The following CTNNA3 variants were observed in gnomAD, a reference collection of about 807,000 sequenced individuals.
CTNNA3 encodes catenin alpha-3.
In CTNNA3, 76 loss-of-function variants were observed where a neutral mutation model predicts 95.7. The ratio of observed to expected loss-of-function variants is 0.79; its 90% CI spans 0.66 to 0.96. CTNNA3 has a LOEUF of 0.96. CTNNA3 is among the 40% of genes least tolerant of loss of function. The pLI, the probability that CTNNA3 is intolerant of heterozygous loss-of-function variation, is 0.00. For missense variants in CTNNA3, 1,191 were observed against 1,089.8 expected (o/e 1.09, Z -1.31); for synonymous variants, 431 against 374.4 (o/e 1.15, Z -1.74).
chr10:67,610,876 A>C (rs1359280334), intron 2 of CTNNA3, among the ~76,000 whole-genome samples: 1 of 152,084 alleles, frequency 6.6e-6, no homozygotes, highest in Non-Finnish European at 1.5e-5. Context: ...TCTTTCTCAG[A>C]CTTCAGGGGT....
At chr10:66,825,497 C>T (rs1443686746) in intron 7 of CTNNA3, among the ~76,000 whole-genome samples, 2 of 151,672 alleles carry the variant, frequency 1.3e-5, no homozygotes, top group Non-Finnish European at 2.9e-5. Flanking sequence ...AGGCTGGTCT[C>T]GAACTCCTGA....
intron 6 of CTNNA3, among the ~76,000 whole-genome samples, chr10:67,205,802 GA>G (rs1396807973): frequency 6.6e-6 from 1 of 152,064 alleles, no homozygotes; most frequent in Non-Finnish European, 1.5e-5. Flanking sequence ...TTTTCCTAGG[GA>G]AAAAAGGGAG....
intron 9 of CTNNA3, among the ~76,000 whole-genome samples, chr10:66,687,087 T>G (rs1847324831): frequency 6.6e-6 from 1 of 152,090 alleles, no homozygotes; most frequent in African/African-American, 2.4e-5. Flanking sequence ...TTTGGTACAA[T>G]GTAATGAATA....
intron 7 of CTNNA3, among the ~76,000 whole-genome samples, chr10:67,021,584 G>A (rs1244241865): frequency 1.3e-5 from 2 of 151,866 alleles, no homozygotes; most frequent in African/African-American, 4.8e-5. Context: ...AATCATGAAA[G>A]TTATGTAGTG....
intron 7 of CTNNA3, among the ~76,000 whole-genome samples, chr10:67,169,991 T>C (rs1018905183): frequency 2.6e-5 from 4 of 152,176 alleles, no homozygotes; most frequent in Admixed American, 2.0e-4. Flanking sequence ...AAAGAAGACA[T>C]AGATGTGGCC....
chr10:66,175,717 C>G (rs1489582498), intron 13 of CTNNA3, among the ~76,000 whole-genome samples: 1 of 152,112 alleles, frequency 6.6e-6, no homozygotes, highest in Non-Finnish European at 1.5e-5. Flanking sequence ...GATTAATTTC[C>G]CTTCCAGGTG....
intron 13 of CTNNA3, among the ~76,000 whole-genome samples, chr10:66,161,335 T>A (rs2084832993): frequency 6.6e-6 from 1 of 152,232 alleles, no homozygotes; most frequent in Non-Finnish European, 1.5e-5. Context: ...TTGATATGTT[T>A]CCAGCATTTG....
At chr10:66,709,539 G>GA (rs144565919) in intron 9 of CTNNA3, among the ~76,000 whole-genome samples, 1,990 of 152,098 alleles carry the variant, frequency 0.013, 50 homozygotes, top group African/African-American at 0.045. Flanking sequence ...ATTATTTCGA[G>GA]AAAAAACCTC....
chr10:66,697,072 TGCCC>T (rs1847792747), intron 9 of CTNNA3, among the ~76,000 whole-genome samples: 1 of 152,102 alleles, frequency 6.6e-6, no homozygotes, highest in South Asian at 2.1e-4. Context: ...AGGAAGCAAC[TGCCC>T]ATCCACAAAA....
intron 15 of CTNNA3, among the ~76,000 whole-genome samples, chr10:66,061,590 T>C (rs1400356463): frequency 1.3e-5 from 2 of 152,060 alleles, no homozygotes; most frequent in Non-Finnish European, 2.9e-5. Context: ...AAAGAAAAAC[T>C]GTCAATTTTC....
intron 7 of CTNNA3, among the ~76,000 whole-genome samples, chr10:67,009,152 A>T (rs1283181864): frequency 1.3e-5 from 2 of 152,170 alleles, no homozygotes; most frequent in Non-Finnish European, 2.9e-5. Context: ...ACCGTGATAC[A>T]GAATGCCATT....
intron 5 of CTNNA3, among the ~76,000 whole-genome samples, chr10:67,296,934 CAA>C (rs1210482029): frequency 4.5e-3 from 80 of 17,644 alleles, no homozygotes; most frequent in Non-Finnish European, 5.0e-3. Context: ...AACGCTGTCT[CAA>C]AAAAAAAAAA....
At chr10:67,391,178 C>T (rs1844462299) in intron 5 of CTNNA3, among the ~76,000 whole-genome samples, 1 of 152,068 alleles carries the variant, frequency 6.6e-6, no homozygotes, top group Admixed American at 6.6e-5. Flanking sequence ...CCCAAAATCT[C>T]CTTAAGCTGA....
chr10:66,456,763 T>C (rs1186001898), intron 11 of CTNNA3, among the ~76,000 whole-genome samples: 4 of 151,996 alleles, frequency 2.6e-5, no homozygotes, highest in Non-Finnish European at 5.9e-5. Flanking sequence ...TCAAAAAACA[T>C]TATGATGTAA....
intron 7 of CTNNA3, among the ~76,000 whole-genome samples, chr10:66,895,940 A>G (rs2132508127): frequency 6.6e-6 from 1 of 150,416 alleles, no homozygotes; most frequent in African/African-American, 2.4e-5. Flanking sequence ...AAAAAAGAAC[A>G]CACAGAATTA....
intron 10 of CTNNA3, among the ~76,000 whole-genome samples, chr10:66,619,192 C>T (rs1844648153): frequency 6.6e-6 from 1 of 151,018 alleles, no homozygotes; most frequent in Non-Finnish European, 1.5e-5. Context: ...ACCATTTGAC[C>T]CAGCCATCCC....
intron 7 of CTNNA3, among the ~76,000 whole-genome samples, chr10:67,035,110 A>T (rs1853967373): frequency 1.3e-5 from 2 of 152,240 alleles, no homozygotes; most frequent in South Asian, 4.1e-4. Context: ...GTATTGAATT[A>T]TCTGTGCATA....
intron 13 of CTNNA3, among the ~76,000 whole-genome samples, chr10:66,179,146 G>C (rs2085898193): frequency 1.3e-5 from 2 of 151,936 alleles, no homozygotes; most frequent in Non-Finnish European, 2.9e-5. Flanking sequence ...CAAACTGGAA[G>C]ACATCCTGAT....
chr10:65,992,747 T>C (rs991530866), intron 15 of CTNNA3, among the ~76,000 whole-genome samples: 5 of 152,082 alleles, frequency 3.3e-5, no homozygotes, highest in Non-Finnish European at 7.4e-5. Flanking sequence ...TTAGTTCTGT[T>C]CTTATCTTTA....
Sources: gnomAD v4.1 joint callset for allele counts (sites outside exome capture counted in the v4.1 genomes callset) on GRCh38, gnomAD v4.1.1 for gene constraint, MANE v1.5 for transcripts, NCBI Gene and HGNC (gene_info 2026-07-23, HGNC 2026-07-21) for gene names.